HSBP1L1: variants seen among roughly 807,000 people sequenced by gnomAD.
The protein encoded by HSBP1L1 is heat shock factor-binding protein 1-like protein 1.
In HSBP1L1, 8 loss-of-function variants were observed where a neutral mutation model predicts 9.7. The ratio of observed to expected loss-of-function variants is 0.82; its 90% CI spans 0.48 to 1.48. The LOEUF is 1.48. HSBP1L1 is among the 40% of genes most tolerant of loss of function. The pLI is 0.00. For missense variants in HSBP1L1, 106 were observed against 95.8 expected (o/e 1.11, Z -0.44); for synonymous variants, 39 against 34.4 (o/e 1.13, Z -0.46).
At chr18:79,966,878 G>T (rs2051259816) in intron 2 of HSBP1L1, 200 bp downstream of exon 2, 1 of 498,886 alleles carries the variant, frequency 2.0e-6, no homozygotes. Context: ...GCCGGGTGCA[G>T]TGGCTCACGC....
chr18:79,968,231 G>A (rs1395250268), intron 3 of HSBP1L1, 48 bp downstream of exon 3: 9 of 1,105,012 alleles, frequency 8.1e-6, no homozygotes, highest in Non-Finnish European at 1.1e-5. Context: ...TGTTTTGACT[G>A]CTTTCATCTT....
At position 79,966,618 on chromosome 18, in the gene HSBP1L1, A is replaced by G. The variant is rs2145034145; in HGVS notation, c.58A>G (p.Asn20Asp). Residue 20 changes from asparagine to aspartate, a missense_variant, in exon 2 of 4, where the codon AAT becomes GAT. Asn to Asp is a conservative substitution (Grantham distance 23). Coordinates refer to ENST00000451882, the MANE Select transcript of HSBP1L1 (RefSeq NM_001136180.2). ...TTACGGTTTATTTTTTCAGGCAGAA[A>G]ATCTATTTCAGGAACTTCAGGAACA... ...GGRALRDAAE[N>D]LFQELQEHFQ... 1.3e-6 allele frequency: 2 copies of G among 1,549,810 alleles called. No individual in the cohort carries two copies. Among genetic ancestry groups the G allele is most frequent in the Non-Finnish European group, 1.7e-6 (2 of 1,145,622 alleles).
chr18:79,969,317 GAAAGAAAGAAAGAAAAA>G (rs2051277632), intron 3 of HSBP1L1, among the ~76,000 whole-genome samples: 13 of 105,130 alleles, frequency 1.2e-4, no homozygotes, highest in African/African-American at 1.9e-4. Context: ...AGAAAGGAAA[GAAAGAAAGAAAGAAAAA>G]GAAAGAAAGA....
chr18:79,966,658 C>T lies in HSBP1L1; in HGVS notation c.98C>T (p.Thr33Met), dbSNP rs774356748. 11 of 1,549,218 alleles carry T rather than the reference C, an allele frequency of 7.1e-6. No individual in the cohort carries two copies. Among genetic ancestry groups the T allele is most frequent in the South Asian group, 3.6e-5 (3 of 83,828 alleles). The change falls in exon 2 of 4, where the codon ACG becomes ATG. Residue 33 changes from threonine (T) to methionine (M), a missense_variant. Physicochemically the swap from Thr to Met is moderately conservative, Grantham distance 81. Coordinates refer to ENST00000451882, the MANE Select transcript of HSBP1L1 (RefSeq NM_001136180.2). ...CTTCAGGAACATTTTCAAGCTCTGA[C>T]GGCAACATTAAACCTCAGAAATATC... The part of the protein sequence containing the change: ...QELQEHFQAL[T>M]ATLNLRMEEM...
chr18:79,966,874 T>C (rs1049167167), intron 2 of HSBP1L1, 196 bp downstream of exon 2: 54 of 509,512 alleles, frequency 1.1e-4, no homozygotes, highest in African/African-American at 2.6e-4. Context: ...TCCGGCCGGG[T>C]GCAGTGGCTC....
chr18:79,970,588 C>T lies in HSBP1L1; in HGVS notation c.*137C>T, dbSNP rs1279065273. 1.1e-5 allele frequency: 7 copies of T among 643,218 alleles called. 1 individual carries two copies. The highest frequency in any genetic ancestry group is 3.6e-5 in the African/African-American group (2 of 55,468). 39.8% of individuals were successfully genotyped at this position (643,218 alleles called of 1,614,324 possible). On this transcript the variant is annotated 3_prime_UTR_variant, in exon 4 of 4. Coordinates refer to ENST00000451882, the MANE Select transcript of HSBP1L1 (RefSeq NM_001136180.2). ...CAAGGGGCTCGCCTGCTCTCCCCTC[C>T]GTGCCTGCACCAGAGAAGGAGGCCA...
intron 3 of HSBP1L1, among the ~76,000 whole-genome samples, chr18:79,968,714 C>T (rs897374264): frequency 2.6e-5 from 4 of 151,962 alleles, no homozygotes; most frequent in African/African-American, 9.7e-5. Context: ...GGTGATCCAC[C>T]CGCCTCGGCC....
Position 79,966,692 on chromosome 18 carries a change from C to T in HSBP1L1, c.118+14C>T. 6.6e-7 allele frequency: 1 copy of T among 1,521,138 alleles called. No individual in the cohort carries two copies. The highest frequency in any genetic ancestry group is 8.9e-7 in the Non-Finnish European group (1 of 1,120,268). The allele number at this position is 1,521,138 out of a possible 1,614,324, so 94.2% of individuals were successfully genotyped here. Reference sequence around the variant, plus strand: ...TAAACCTCAGAAATATCCTTTTCTACCTTTAACAAATGCTGTGATTCTTTC... The same window carrying T: ...TAAACCTCAGAAATATCCTTTTCTATCTTTAACAAATGCTGTGATTCTTTC... On this transcript the variant is annotated intron_variant, in intron 2 of 3. Transcript: ENST00000451882.
intron 1 of HSBP1L1, among the ~76,000 whole-genome samples, chr18:79,965,083 CGGG>C (rs2051250308): frequency 1.5e-5 from 1 of 68,784 alleles, no homozygotes. Context: ...CTGCGATCCT[CGGG>C]GGGCCTGAGG....
intron 3 of HSBP1L1, among the ~76,000 whole-genome samples, chr18:79,969,442 G>C (rs2051283356): frequency 6.6e-6 from 1 of 152,100 alleles, no homozygotes; most frequent in Non-Finnish European, 1.5e-5. Flanking sequence ...CCTCCCACCT[G>C]TGCCCACGCG....
rs1389637073 is a variant in HSBP1L1 at position 79,970,546 on chromosome 18, C to T, written c.*95C>T. 1 of 712,104 alleles carries T rather than the reference C, an allele frequency of 1.4e-6. No homozygotes were observed. Among genetic ancestry groups the T allele is most frequent in the Non-Finnish European group, 2.6e-6 (1 of 381,474 alleles). The allele number at this position is 712,104 out of a possible 1,614,324, so 44.1% of individuals were successfully genotyped here. A position where few individuals can be genotyped will look rare whatever the true frequency, so the allele number is the denominator to read the frequency against. On this transcript the variant is annotated 3_prime_UTR_variant, in exon 4 of 4. Transcript: ENST00000451882. ...GGGGCCCTCATCCAACAGGATTCGT[C>T]TTTCTGAGAAGAGACGCAAGGGGCT...
chr18:79,968,093 A>G lies in HSBP1L1; in HGVS notation c.123A>G (p.Glu41=). Reference sequence around the variant, plus strand: ...CAGAGCGCCTTAACACTGTACTGGAAGAAATGGGAAATCGCATTGAGGACT... The same window carrying G: ...CAGAGCGCCTTAACACTGTACTGGAGGAAATGGGAAATCGCATTGAGGACT... The part of the protein sequence containing the change: ...ALTATLNLRM[E]EMGNRIEDLQ... Residue 41 remains glutamate (E), a synonymous_variant, in exon 3 of 4, where the codon GAA becomes GAG. Coordinates refer to ENST00000451882, the MANE Select transcript of HSBP1L1 (RefSeq NM_001136180.2). The G allele has an allele frequency of 6.5e-7, 1 of 1,547,020 alleles. No homozygotes were observed. The highest frequency in any genetic ancestry group is 8.8e-7 in the Non-Finnish European group (1 of 1,142,840).
intron 2 of HSBP1L1, chr18:79,967,396 T>C (rs928798603): frequency 6.6e-6 from 1 of 152,196 alleles, no homozygotes; most frequent in African/African-American, 2.4e-5. Flanking sequence ...TGTTTTGTCT[T>C]AGAAACATGA....
At chr18:79,965,661 A>G (rs919559235) in intron 1 of HSBP1L1, among the ~76,000 whole-genome samples, 1 of 152,170 alleles carries the variant, frequency 6.6e-6, no homozygotes, top group African/African-American at 2.4e-5. Context: ...TTTCATAAGA[A>G]TTCTTGAGGA....
Position 79,970,682 on chromosome 18 carries a change from A to G in HSBP1L1, c.*231A>G. 7.8e-6 allele frequency: 4 copies of G among 513,272 alleles called. No homozygotes were observed. Among genetic ancestry groups the G allele is most frequent in the Non-Finnish European group, 1.1e-5 (3 of 283,570 alleles). 31.8% of individuals were successfully genotyped at this position (513,272 alleles called of 1,614,324 possible). A position where few individuals can be genotyped will look rare whatever the true frequency, so the allele number is the denominator to read the frequency against. On this transcript the variant is annotated 3_prime_UTR_variant, in exon 4 of 4. Coordinates refer to ENST00000451882, the MANE Select transcript of HSBP1L1 (RefSeq NM_001136180.2). The stretch of plus-strand genomic sequence containing the variant: ...GCACCTTGATCTGGGACTTCCAGAA[A>G]ACAGAACTGTGAAAAGACAAGTTTC...
rs539812759 is a variant in HSBP1L1 at position 79,968,217 on chromosome 18, C to T, written c.213+34C>T. 3.5e-4 allele frequency: 460 copies of T among 1,315,142 alleles called. 1 individual carries two copies. The African/African-American group carries it at 5.6e-3, about 16-fold the overall frequency. 81.5% of individuals were successfully genotyped at this position (1,315,142 alleles called of 1,614,324 possible). On this transcript the variant is annotated intron_variant, in intron 3 of 3. Transcript: ENST00000451882. ...ATTAGCAAACTATGTCAACCGTTTT[C>T]GTATGTTTTGACTGCTTTCATCTTG...
At chr18:79,967,762 G>A (rs532587781) in intron 2 of HSBP1L1, 13 of 205,096 alleles carry the variant, frequency 6.3e-5, no homozygotes, top group Admixed American at 4.9e-4. Flanking sequence ...GGAAGAGCAA[G>A]ACCCTACAAA....
chr18:79,969,751 CCTTG>C (rs5826683), intron 3 of HSBP1L1, among the ~76,000 whole-genome samples: 90,430 of 151,648 alleles, frequency 0.6, 29,099 homozygotes, highest in Non-Finnish European at 0.7. Flanking sequence ...GCCTTCTGCC[CCTTG>C]CTTTTTTGTT....
intron 3 of HSBP1L1, among the ~76,000 whole-genome samples, chr18:79,969,244 G>GA (rs2051274529): frequency 9.4e-6 from 1 of 105,874 alleles, no homozygotes; most frequent in Non-Finnish European, 1.9e-5. Flanking sequence ...AGGAGAGAGA[G>GA]GAGAGGAGAG....
Sources: allele counts gnomAD v4.1 joint callset (sites outside exome capture counted in the v4.1 genomes callset), GRCh38; gene constraint gnomAD v4.1.1; transcripts MANE v1.5; gene names NCBI Gene and HGNC (gene_info 2026-07-23, HGNC 2026-07-21).